The following GALNT13 variants were observed in gnomAD, a reference collection of about 807,000 sequenced individuals.
GALNT13 encodes the protein UDP-GalNAc:polypeptide N-acetylgalactosaminyltransferase 13.
A neutral mutation model predicts 64.2 loss-of-function variants in GALNT13; 28 were observed. The ratio of observed to expected loss-of-function variants is 0.44; its 90% CI spans 0.32 to 0.60. The LOEUF (loss-of-function observed/expected upper bound fraction) is 0.60, where lower values mean the gene tolerates loss of function less well. Ranked by LOEUF, GALNT13 falls within the 20% of genes least tolerant of loss-of-function variation. The pLI, the probability that GALNT13 is intolerant of heterozygous loss-of-function variation, is 0.05. For synonymous variants in GALNT13, 214 were observed against 224.6 expected, an observed-to-expected ratio of 0.95 and a Z score of 0.42; for missense variants, 577 against 669.8, an observed-to-expected ratio of 0.86 and a Z score of 1.53.
chr2:153,831,088 T>G, the GALNT13 span, among the ~76,000 whole-genome samples: 1 of 152,196 alleles, frequency 6.6e-6, no homozygotes, highest in Non-Finnish European at 1.5e-5. Context: ...CTTAATTAAT[T>G]TACAATACAA....
the GALNT13 span, among the ~76,000 whole-genome samples, chr2:153,269,869 A>T: frequency 5.3e-5 from 8 of 152,090 alleles, no homozygotes; most frequent in African/African-American, 1.2e-4. Flanking sequence ...AAACCATCAG[A>T]TCTCTTGAGA....
At chr2:153,219,827 A>G in the GALNT13 span, among the ~76,000 whole-genome samples, 102,405 of 152,106 alleles carry the variant, frequency 0.67, 35,548 homozygotes, top group Middle Eastern at 0.77. Context: ...GAGTGCTCAA[A>G]GCTGAGTTAT....
At chr2:154,162,735 C>G (rs1684806754) in intron 4 of GALNT13, among the ~76,000 whole-genome samples, 1 of 152,044 alleles carries the variant, frequency 6.6e-6, no homozygotes, top group Non-Finnish European at 1.5e-5. Flanking sequence ...AAATAGCAAC[C>G]AAAAATATTT....
the GALNT13 span, among the ~76,000 whole-genome samples, chr2:153,699,065 A>G: frequency 6.6e-6 from 1 of 152,102 alleles, no homozygotes; most frequent in Non-Finnish European, 1.5e-5. Context: ...TCTACTAAAA[A>G]TTACAAAAAT....
the GALNT13 span, among the ~76,000 whole-genome samples, chr2:153,103,280 C>T: frequency 6.6e-6 from 1 of 152,198 alleles, no homozygotes; most frequent in East Asian, 1.9e-4. Flanking sequence ...TCTTTCTGTT[C>T]TTGAAGTATG....
the GALNT13 span, among the ~76,000 whole-genome samples, chr2:153,615,185 T>G: frequency 6.6e-6 from 1 of 152,120 alleles, no homozygotes; most frequent in Non-Finnish European, 1.5e-5. Context: ...TCTATCCATG[T>G]TGTCACAAAT....
intron 3 of GALNT13, among the ~76,000 whole-genome samples, chr2:153,981,082 A>G (rs1219319396): frequency 2.0e-5 from 3 of 152,166 alleles, no homozygotes; most frequent in Admixed American, 6.6e-5. Context: ...CTAATATTTG[A>G]GAATGAAGCC....
At chr2:153,921,845 TA>T (rs1179104834) in intron 2 of GALNT13, among the ~76,000 whole-genome samples, 3 of 152,016 alleles carry the variant, frequency 2.0e-5, no homozygotes, top group Non-Finnish European at 4.4e-5. Context: ...AACTGAAATA[TA>T]AAATCCAGGT....
chr2:153,500,372 C>A, the GALNT13 span, among the ~76,000 whole-genome samples: 1 of 152,140 alleles, frequency 6.6e-6, no homozygotes, highest in Non-Finnish European at 1.5e-5. Context: ...GCTGACACAC[C>A]TAGATAACTG....
the GALNT13 span, among the ~76,000 whole-genome samples, chr2:153,270,002 C>A: frequency 1.3e-5 from 2 of 152,276 alleles, no homozygotes; most frequent in Admixed American, 1.3e-4. Flanking sequence ...GACACAGAGC[C>A]AAACCATATC....
the GALNT13 span, among the ~76,000 whole-genome samples, chr2:153,221,610 A>C: frequency 1.3e-5 from 2 of 152,090 alleles, no homozygotes; most frequent in Non-Finnish European, 2.9e-5. Flanking sequence ...CATTCTGCCC[A>C]CTCAGCCAGG....
At chr2:153,077,870 GTTTACATTTTAATTTTGC>G in the GALNT13 span, among the ~76,000 whole-genome samples, 1 of 152,138 alleles carries the variant, frequency 6.6e-6, no homozygotes, top group African/African-American at 2.4e-5. Flanking sequence ...ATCAGGTTTG[GTTTACATTTTAATTTTGC>G]TTTAACAAAT....
the GALNT13 span, chr2:153,421,615 G>C: frequency 8.1e-6 from 2 of 248,160 alleles, no homozygotes; most frequent in Non-Finnish European, 1.8e-5. Flanking sequence ...TGCGAATTTG[G>C]TCCAAAGGCC....
At chr2:153,509,335 T>C in the GALNT13 span, among the ~76,000 whole-genome samples, 13 of 152,326 alleles carry the variant, frequency 8.5e-5, no homozygotes, top group African/African-American at 3.1e-4. Context: ...TCCACCTGTT[T>C]CTGGTTCCCA....
the GALNT13 span, among the ~76,000 whole-genome samples, chr2:153,826,708 A>G: frequency 2.6e-5 from 4 of 152,112 alleles, no homozygotes; most frequent in African/African-American, 9.7e-5. Context: ...AATGTCTGGG[A>G]AAGGGTATAA....
chr2:153,236,246 G>A, the GALNT13 span, among the ~76,000 whole-genome samples: 9 of 152,274 alleles, frequency 5.9e-5, no homozygotes, highest in African/African-American at 2.2e-4. Flanking sequence ...AGTGCAAGGT[G>A]AAGCAGCAAA....
At chr2:153,861,305 A>G in the GALNT13 span, among the ~76,000 whole-genome samples, 2 of 152,168 alleles carry the variant, frequency 1.3e-5, no homozygotes, top group African/African-American at 4.8e-5. Context: ...GTACATACCC[A>G]ATGTCATATA....
chr2:153,429,349 T>C, the GALNT13 span, among the ~76,000 whole-genome samples: 1 of 152,194 alleles, frequency 6.6e-6, no homozygotes, highest in African/African-American at 2.4e-5. Context: ...TTCTGTGATT[T>C]ACTGTGAACT....
At chr2:153,607,465 T>C in the GALNT13 span, among the ~76,000 whole-genome samples, 1 of 152,096 alleles carries the variant, frequency 6.6e-6, no homozygotes, top group South Asian at 2.1e-4. Flanking sequence ...TAAGGCAATA[T>C]AAAAAATACA....
Sources: allele counts gnomAD v4.1 joint callset (sites outside exome capture counted in the v4.1 genomes callset), GRCh38; gene constraint gnomAD v4.1.1; transcripts MANE v1.5; gene names NCBI Gene and HGNC (gene_info 2026-07-23, HGNC 2026-07-21).